The following KIF24 variants were observed in gnomAD, a reference collection of about 807,000 sequenced individuals.
KIF24 encodes the protein kinesin family member 24.
Under a neutral mutation model 118.9 loss-of-function variants are expected in KIF24, and 81 were observed. That is an observed-to-expected ratio of 0.68 (90% CI 0.57 to 0.82). KIF24 has a LOEUF of 0.82. KIF24 is among the 40% of genes least tolerant of loss of function. The probability of loss-of-function intolerance (pLI) is 0.00; values close to 1 mark genes in which losing one functional copy is unlikely to be tolerated. For missense variants in KIF24, 1,560 were observed against 1,661.6 expected, an observed-to-expected ratio of 0.94 and a Z score of 1.06; for synonymous variants, 599 against 610.0, an observed-to-expected ratio of 0.98 and a Z score of 0.27.
intron 6 of KIF24, among the ~76,000 whole-genome samples, chr9:34,284,123 CCAAGTGTGGTGG>C (rs1407802307): frequency 6.6e-6 from 1 of 151,794 alleles, no homozygotes; most frequent in Non-Finnish European, 1.5e-5. Flanking sequence ...AAAAAATTAG[CCAAGTGTGGTGG>C]CATATGCTTG....
At chr9:34,286,062 G>C (rs1041277113) in intron 6 of KIF24, among the ~76,000 whole-genome samples, 25 of 151,972 alleles carry the variant, frequency 1.6e-4, no homozygotes, top group African/African-American at 5.6e-4. Flanking sequence ...GGCTGGGTGC[G>C]GTGGCTCACG....
chr9:34,296,557 T>C (rs1227160956), intron 4 of KIF24, among the ~76,000 whole-genome samples: 1 of 151,702 alleles, frequency 6.6e-6, no homozygotes, highest in Non-Finnish European at 1.5e-5. Flanking sequence ...AAAATACATC[T>C]ATGAAAAATT....
intron 1 of KIF24, among the ~76,000 whole-genome samples, chr9:34,324,110 G>A (rs1056700582): frequency 3.3e-5 from 5 of 152,112 alleles, no homozygotes; most frequent in South Asian, 2.1e-4. Flanking sequence ...TAGTCTGGAC[G>A]TTGTGCAATA....
At chr9:34,283,960 G>C (rs1422392386) in intron 6 of KIF24, among the ~76,000 whole-genome samples, 57 of 152,158 alleles carry the variant, frequency 3.7e-4, no homozygotes, top group Non-Finnish European at 1.5e-5. Flanking sequence ...ACCACTCTGG[G>C]AAACAGTCGG....
intron 6 of KIF24, among the ~76,000 whole-genome samples, chr9:34,286,188 G>A (rs981531369): frequency 1.3e-5 from 2 of 152,054 alleles, no homozygotes; most frequent in Non-Finnish European, 2.9e-5. Context: ...ACAAAAATTA[G>A]CCAGGTGTGG....
rs369376267 is a variant in KIF24 at position 34,266,173 on chromosome 9, G to A, written c.1444-3001C>T. Among the ~76,000 whole-genome samples the A allele has an allele frequency of 5.9e-5, 9 of 152,118 alleles. No individual in the cohort carries two copies. In the East Asian group the frequency reaches 9.6e-4, roughly 16 times the overall value. ...CTCCCAAAGTGCTGGGATTATATGT[G>A]TGAGCCACTGGGCCTGGCCTGCAAT... is the stretch of plus-strand genomic sequence containing the variant. On this transcript the variant is annotated intron_variant, in intron 8 of 12. Coordinates refer to ENST00000402558, the MANE Select transcript of KIF24 (RefSeq NM_194313.4).
intron 8 of KIF24, among the ~76,000 whole-genome samples, 200 bp downstream of exon 8, chr9:34,269,057 G>A (rs917144615): frequency 5.9e-5 from 9 of 152,212 alleles, no homozygotes; most frequent in Non-Finnish European, 8.8e-5. Flanking sequence ...GGAAAAGAAG[G>A]CAAGGAGAGA....
At chr9:34,278,853 A>C (rs1442097092) in intron 6 of KIF24, among the ~76,000 whole-genome samples, 1 of 152,188 alleles carries the variant, frequency 6.6e-6, no homozygotes, top group Non-Finnish European at 1.5e-5. Context: ...GTGGTGGCTC[A>C]TGCCTGTAAT....
Position 34,255,839 on chromosome 9 carries a change from G to C in KIF24, c.3768C>G (p.Pro1256=), listed in dbSNP as rs763899388. 6.2e-7 allele frequency: 1 copy of C among 1,613,990 alleles called. No homozygotes were observed. The highest frequency in any genetic ancestry group is 2.2e-5 in the East Asian group (1 of 44,882). Residue 1256 remains proline, a synonymous_variant, in exon 11 of 13, where the codon CCC becomes CCG. Coordinates refer to ENST00000402558, the MANE Select transcript of KIF24 (RefSeq NM_194313.4). ...TTGCTAAGCACCTTGAGATCGGCCTGGGTTTGAGCCATGTGACATTTTCAC... is the reference window on the plus strand; with the variant it reads ...TTGCTAAGCACCTTGAGATCGGCCTCGGTTTGAGCCATGTGACATTTTCAC... The part of the protein sequence containing the change: ...CNSENVTWLK[P]RPISRCLARP...
In KIF24 at chr9:34,269,305, A is replaced by G. The variant is rs774898700; in HGVS notation, c.1395T>C (p.Asp465=). The part of the protein sequence containing the change: ...SERAADARDS[D]RQTKMEGAEI... ...CTGCACCTTCCATCTTTGTCTGTCT[A>G]TCTGAGTCCCTTGCATCTGCTGCTC... The change falls in exon 8 of 13, where the codon GAT becomes GAC. Residue 465 remains aspartate (D), a synonymous_variant. Transcript: ENST00000402558. The G allele has an allele frequency of 2.5e-6, 4 of 1,612,180 alleles. No individual in the cohort carries two copies. Among genetic ancestry groups the G allele is most frequent in the Non-Finnish European group, 2.5e-6 (3 of 1,178,734 alleles).
At chr9:34,319,606 C>A (rs911209830) in intron 1 of KIF24, 4 of 912,224 alleles carry the variant, frequency 4.4e-6, no homozygotes, top group African/African-American at 3.3e-5. Flanking sequence ...CTGCTGTTCA[C>A]TGGGCACCTG....
At position 34,259,680 on chromosome 9, in the gene KIF24, T is replaced by A. The variant is rs781221440; in HGVS notation, c.1541A>T (p.Asn514Ile). 10 of 1,613,802 alleles carry A rather than the reference T, an allele frequency of 6.2e-6. No homozygotes were observed. The highest frequency in any genetic ancestry group is 8.5e-6 in the Non-Finnish European group (10 of 1,179,828). Residue 514 changes from asparagine (N) to isoleucine (I), a missense_variant, in exon 10 of 13, where the codon AAT becomes ATT. By Grantham distance (149) the Asn-to-Ile change is moderately radical (BLOSUM62 -3). Around this residue, in one of 3 missense-constraint regions of KIF24, gnomAD observed 964 missense variants for 988.0 expected, o/e 0.98. Coordinates refer to ENST00000402558, the MANE Select transcript of KIF24 (RefSeq NM_194313.4). ...TQVLKDSFIG[N>I]AKTCMIANIS... The stretch of plus-strand genomic sequence containing the variant: ...GTTGGCGATCATGCAGGTTTTGGCA[T>A]TGCCGATGAAAGAGTCCTTCAGGAC...
rs1158403437 is a variant in KIF24, at chr9:34,318,749, C to T, written c.-25-7378G>A. On this transcript the variant is annotated intron_variant, in intron 1 of 12. Coordinates refer to ENST00000402558, the MANE Select transcript of KIF24 (RefSeq NM_194313.4). The surrounding 1 kb of genome is among the most constrained non-coding windows in gnomAD (Gnocchi z 4.9). ...GCACGCCGGCGTGGGCGAGCCGCTG[C>T]GTTCACTCAGCAACTCCACCGCGCG... 9 of 1,504,166 alleles carry T rather than the reference C, an allele frequency of 6.0e-6. No individual in the cohort carries two copies. Among genetic ancestry groups the T allele is most frequent in the African/African-American group, 2.7e-5 (2 of 73,212 alleles). The allele number at this position is 1,504,166 out of a possible 1,614,324, so 93.2% of individuals were successfully genotyped here.
At chr9:34,319,545 T>C in intron 1 of KIF24, 1 of 1,154,310 alleles carries the variant, frequency 8.7e-7, no homozygotes, top group East Asian at 2.4e-5. Context: ...CAAGCTGTTC[T>C]ACTCCGACCA....
At chr9:34,271,068 C>T (rs1243649229) in intron 7 of KIF24, among the ~76,000 whole-genome samples, 1 of 152,022 alleles carries the variant, frequency 6.6e-6, no homozygotes, top group Non-Finnish European at 1.5e-5. Flanking sequence ...GCACTCCAGC[C>T]TGGGTGACAG....
intron 1 of KIF24, among the ~76,000 whole-genome samples, chr9:34,322,181 G>A (rs1383017983): frequency 6.6e-6 from 1 of 152,142 alleles, no homozygotes; most frequent in African/African-American, 2.4e-5. Flanking sequence ...GGAAGTAGTA[G>A]ACCAAAACAG....
At chr9:34,327,965 A>G (rs1837731791) in intron 1 of KIF24, among the ~76,000 whole-genome samples, 1 of 152,118 alleles carries the variant, frequency 6.6e-6, no homozygotes, top group Admixed American at 6.6e-5. Context: ...TGTCACAGCT[A>G]TAAGGTAGTG....
intron 6 of KIF24, among the ~76,000 whole-genome samples, chr9:34,279,926 T>C (rs1476395759): frequency 6.6e-6 from 1 of 152,196 alleles, no homozygotes; most frequent in Admixed American, 6.5e-5. Flanking sequence ...AGGGTATCAA[T>C]GGCGATAATA....
intron 6 of KIF24, among the ~76,000 whole-genome samples, chr9:34,284,364 T>A (rs1835959807): frequency 6.6e-6 from 1 of 152,196 alleles, no homozygotes; most frequent in Admixed American, 6.5e-5. Context: ...ACCCATGTGC[T>A]CTGTACAGAA....
Sources: allele counts gnomAD v4.1 joint callset (sites outside exome capture counted in the v4.1 genomes callset), GRCh38; gene constraint gnomAD v4.1.1; regional missense constraint gnomAD v4.1.1; non-coding constraint Gnocchi (gnomAD v3.1); transcripts MANE v1.5; gene names NCBI Gene and HGNC (gene_info 2026-07-23, HGNC 2026-07-21).